Variants in ERG observed in about 807,000 individuals in gnomAD.
ERG encodes the protein transcriptional regulator ERG.
A neutral mutation model predicts 55.3 loss-of-function variants in ERG; 9 were observed. The observed-to-expected ratio is 0.16, with a 90% CI of 0.10 to 0.28. ERG has a LOEUF of 0.28. ERG is among the 10% of genes least tolerant of loss of function. The probability of loss-of-function intolerance (pLI) is 1.00; values close to 1 mark genes in which losing one functional copy is unlikely to be tolerated. For synonymous variants in ERG, 223 were observed against 237.3 expected, an observed-to-expected ratio of 0.94 and a Z score of 0.55; for missense variants, 434 against 631.6, an observed-to-expected ratio of 0.69 and a Z score of 3.35.
intron 2 of ERG, among the ~76,000 whole-genome samples, chr21:38,510,747 A>T (rs1264839296): frequency 2.6e-5 from 4 of 152,058 alleles, no homozygotes; most frequent in African/African-American, 9.7e-5. Context: ...TAACCACCTA[A>T]TTTTTTTCTC....
chr21:38,449,836 G>A (rs1260672367), intron 1 of ERG, among the ~76,000 whole-genome samples: 1 of 152,148 alleles, frequency 6.6e-6, no homozygotes, highest in Non-Finnish European at 1.5e-5. Flanking sequence ...AAATTTGGGA[G>A]TGGTAAAGTG....
intron 2 of ERG, among the ~76,000 whole-genome samples, chr21:38,520,587 T>A (rs1485927687): frequency 6.6e-6 from 1 of 152,200 alleles, no homozygotes; most frequent in Non-Finnish European, 1.5e-5. Context: ...TCTGAAGGTT[T>A]TGTGTACAGA....
rs141970472 is a variant in ERG at position 38,416,796 on chromosome 21, G to A, written c.388+6614C>T. The stretch of plus-strand genomic sequence containing the variant: ...CAAGCATGGCTCCCTTGACAGGGCA[G>A]ATTTTGAAGATGTCTGGAAGAATGA... On this transcript the variant is annotated intron_variant, in intron 3 of 9. Transcript: ENST00000288319. 8.9e-3 allele frequency among the ~76,000 whole-genome samples: 1,363 copies of A among 152,368 alleles called. 14 individuals carry two copies. The highest frequency in any genetic ancestry group is 0.044 in the Middle Eastern group (13 of 294).
chr21:38,557,424 G>A (rs184634681), intron 2 of ERG, among the ~76,000 whole-genome samples: 16 of 152,250 alleles, frequency 1.1e-4, no homozygotes, highest in Admixed American at 3.3e-4. Flanking sequence ...GCTTCACTCA[G>A]ACAGTGCTTC....
intron 3 of ERG, among the ~76,000 whole-genome samples, chr21:38,406,027 T>C (rs1971496): frequency 0.87 from 131,505 of 151,558 alleles, 57,583 homozygotes; most frequent in Non-Finnish European, 0.94. Context: ...TGGTGGCGGG[T>C]GCCTGTAGTC....
intron 1 of ERG, among the ~76,000 whole-genome samples, chr21:38,639,827 A>G (rs1461510300): frequency 6.6e-6 from 1 of 152,176 alleles, no homozygotes; most frequent in Non-Finnish European, 1.5e-5. Context: ...CATCAATGTG[A>G]AGAACTACAC....
intron 2 of ERG, among the ~76,000 whole-genome samples, chr21:38,519,051 T>C (rs903159006): frequency 2.6e-5 from 4 of 152,200 alleles, no homozygotes; most frequent in Admixed American, 2.6e-4. Flanking sequence ...ACTTCATTAG[T>C]AAAGCAGGAA....
intron 2 of ERG, among the ~76,000 whole-genome samples, chr21:38,562,726 C>A (rs2059900362): frequency 6.6e-6 from 1 of 152,148 alleles, no homozygotes; most frequent in Non-Finnish European, 1.5e-5. Context: ...AAGAAAAATT[C>A]ACTTTCAATT....
At chr21:38,524,577 T>C (rs2059617264) in intron 2 of ERG, among the ~76,000 whole-genome samples, 1 of 152,192 alleles carries the variant, frequency 6.6e-6, no homozygotes, top group African/African-American at 2.4e-5. Flanking sequence ...TGCTTCAATT[T>C]AGAGTATTTT....
rs181451349 is a variant in ERG at position 38,615,713 on chromosome 21, G to A, written c.-149-30768C>T. Among the ~76,000 whole-genome samples, 5 of 151,444 alleles carry A rather than the reference G, an allele frequency of 3.3e-5. No individual in the cohort carries two copies. The East Asian group carries it at 9.7e-4, about 29-fold the overall frequency. On this transcript the variant is annotated intron_variant, in intron 1 of 10. Transcript: ENST00000398910. ...TATTTAGAGTGTCTGGCAGTGGTGT[G>A]CTGACAAAAGGGTTTTTGAAAAATC... is the stretch of plus-strand genomic sequence containing the variant.
rs958022371 is a variant in ERG, at chr21:38,487,335, T to C, written c.18+11028A>G. Among the ~76,000 whole-genome samples the C allele has an allele frequency of 3.9e-5, 6 of 152,336 alleles. No homozygotes were observed. The East Asian group carries it at 1.2e-3, about 29-fold the overall frequency. On this transcript the variant is annotated intron_variant, in intron 1 of 9. Transcript: ENST00000288319. ...TAATTTTGTTTTTAAAATTTTTATT[T>C]TCTAAACTCCTATAATAATTGTTTT...
intron 1 of ERG, among the ~76,000 whole-genome samples, chr21:38,595,333 G>A (rs1052105316): frequency 3.3e-5 from 5 of 152,136 alleles, no homozygotes; most frequent in Non-Finnish European, 5.9e-5. Context: ...GGGAAGCCTC[G>A]GAATGCAAGA....
Position 38,401,405 on chromosome 21 carries a change from T to C in ERG, c.674-760A>G, listed in dbSNP as rs183714950. On this transcript the variant is annotated intron_variant, in intron 5 of 9. Coordinates refer to ENST00000288319, the MANE Select transcript of ERG (RefSeq NM_182918.4). ...TTATTTCTGGCCACAAGGTCACTAA[T>C]AGGCTGATGTGTGCAACCAAAATTA... Among the ~76,000 whole-genome samples, 4 of 152,328 alleles carry C rather than the reference T, an allele frequency of 2.6e-5. No individual in the cohort carries two copies. In the East Asian group the frequency reaches 5.8e-4, roughly 22 times the overall value.
rs143749979 is a variant in ERG, at chr21:38,590,896, A to C, written c.-149-5951T>G. Among the ~76,000 whole-genome samples, 36 of 152,372 alleles carry C rather than the reference A, an allele frequency of 2.4e-4. No individual in the cohort carries two copies. In the East Asian group the frequency reaches 6.4e-3, roughly 27 times the overall value. ...TTAATGCCAGAGTGTAGCTTGGTTG[A>C]GCATGACAATCAGCTGGAGAGCTTT... On this transcript the variant is annotated intron_variant, in intron 1 of 10. Coordinates refer to the ERG transcript ENST00000398910.
At chr21:38,493,067 T>C (rs1003014883) in intron 1 of ERG, among the ~76,000 whole-genome samples, 1 of 152,164 alleles carries the variant, frequency 6.6e-6, no homozygotes, top group Non-Finnish European at 1.5e-5. Context: ...GAGAATAATC[T>C]GGTAATTATT....
At chr21:38,495,850 G>A (rs1390193398) in intron 1 of ERG, among the ~76,000 whole-genome samples, 1 of 152,190 alleles carries the variant, frequency 6.6e-6, no homozygotes, top group African/African-American at 2.4e-5. Flanking sequence ...ACACTGAGAT[G>A]TTTGTGGGGA....
At chr21:38,602,219 T>C (rs1051151418) in intron 1 of ERG, among the ~76,000 whole-genome samples, 1 of 151,920 alleles carries the variant, frequency 6.6e-6, no homozygotes, top group African/African-American at 2.4e-5. Flanking sequence ...CTGTGGCAGG[T>C]GGATCACGAG....
chr21:38,432,490 C>T (rs1990261505), intron 2 of ERG, among the ~76,000 whole-genome samples: 1 of 152,228 alleles, frequency 6.6e-6, no homozygotes, highest in Non-Finnish European at 1.5e-5. Context: ...GTAAACAACT[C>T]TTTCCAGGCC....
intron 2 of ERG, among the ~76,000 whole-genome samples, chr21:38,439,593 A>G (rs912058293): frequency 1.3e-5 from 2 of 152,196 alleles, no homozygotes; most frequent in Non-Finnish European, 2.9e-5. Context: ...AAGCTGAAAA[A>G]TGATGTCCTG....
Sources: gnomAD v4.1 joint callset for allele counts (sites outside exome capture counted in the v4.1 genomes callset) on GRCh38, gnomAD v4.1.1 for gene constraint, MANE v1.5 for transcripts, NCBI Gene and HGNC (gene_info 2026-07-23, HGNC 2026-07-21) for gene names.